The following DNAJC12 variants were observed in gnomAD, a reference collection of about 807,000 sequenced individuals.
The protein encoded by DNAJC12 is DnaJ heat shock protein family (Hsp40) member C12, also known as dnaJ homolog subfamily C member 12.
A neutral mutation model predicts 28.5 loss-of-function variants in DNAJC12; 25 were observed. That is an observed-to-expected ratio of 0.88 (90% CI 0.64 to 1.22). The LOEUF is 1.22. Among genes scored for constraint, DNAJC12 ranks in the 50% most tolerant of loss-of-function variants. The pLI is 0.00. For synonymous variants in DNAJC12, 77 were observed against 80.6 expected (o/e 0.95, Z 0.24); for missense variants, 222 against 231.7 (o/e 0.96, Z 0.27).
intron 1 of DNAJC12, among the ~76,000 whole-genome samples, chr10:67,836,853 T>C (rs1450468247): frequency 6.6e-6 from 1 of 151,602 alleles, no homozygotes; most frequent in Non-Finnish European, 1.5e-5. Context: ...TAAAAACATT[T>C]TGCTTTACAA....
At chr10:67,797,344 A>C (rs1312579144) in intron 4 of DNAJC12, 134 bp from the exon 5 acceptor site, 2 of 637,514 alleles carry the variant, frequency 3.1e-6, no homozygotes, top group African/African-American at 3.7e-5. Flanking sequence ...TGAATTATTA[A>C]CATCTTAGAG....
At chr10:67,797,849 G>A (rs546927234) in intron 4 of DNAJC12, among the ~76,000 whole-genome samples, 13 of 151,960 alleles carry the variant, frequency 8.6e-5, no homozygotes, top group South Asian at 2.1e-4. Context: ...GACCATCCTG[G>A]CTAACACGGT....
At chr10:67,824,615 C>A (rs1049886041) in intron 1 of DNAJC12, among the ~76,000 whole-genome samples, 1 of 152,102 alleles carries the variant, frequency 6.6e-6, no homozygotes, top group African/African-American at 2.4e-5. Context: ...TTCCTATTAT[C>A]ATGAATTATT....
chr10:67,826,646 C>A (rs1842033852), intron 1 of DNAJC12, among the ~76,000 whole-genome samples: 1 of 123,872 alleles, frequency 8.1e-6, no homozygotes, highest in Non-Finnish European at 1.6e-5. Flanking sequence ...TATAAGATAT[C>A]TAATGATATA....
At chr10:67,797,429 T>G (rs1005686327) in intron 4 of DNAJC12, among the ~76,000 whole-genome samples, 1 of 152,192 alleles carries the variant, frequency 6.6e-6, no homozygotes, top group Non-Finnish European at 1.5e-5. Context: ...AGACCTCACA[T>G]GCTTAAATAC....
intron 1 of DNAJC12, among the ~76,000 whole-genome samples, chr10:67,830,532 C>T (rs1416852812): frequency 1.4e-5 from 2 of 138,842 alleles, no homozygotes; most frequent in Admixed American, 7.3e-5. Context: ...GGCGTGAACC[C>T]GGGAGGCGGA....
At chr10:67,827,274 T>TAA (rs1842046091) in intron 1 of DNAJC12, among the ~76,000 whole-genome samples, 1 of 151,644 alleles carries the variant, frequency 6.6e-6, no homozygotes, top group South Asian at 2.1e-4. Flanking sequence ...GTAATCCCAG[T>TAA]TACTCAGGAG....
chr10:67,834,254 T>C (rs1842121864), intron 1 of DNAJC12, among the ~76,000 whole-genome samples: 1 of 152,166 alleles, frequency 6.6e-6, no homozygotes, highest in African/African-American at 2.4e-5. Flanking sequence ...TAAGGGTATA[T>C]AGGAACTCTG....
chr10:67,822,457 G>A lies in DNAJC12; in HGVS notation c.157+857C>T, dbSNP rs983697931. Reference sequence around the variant, plus strand: ...AGTGGAACAAATGGAAAAATAGCGAGAAGGGAAATAGAGACATCAACTGTG... The same window carrying A: ...AGTGGAACAAATGGAAAAATAGCGAAAAGGGAAATAGAGACATCAACTGTG... On this transcript the variant is annotated intron_variant, in intron 2 of 4. Coordinates refer to ENST00000225171, the MANE Select transcript of DNAJC12 (RefSeq NM_021800.3). Among the ~76,000 whole-genome samples, 21 of 152,150 alleles carry A rather than the reference G, an allele frequency of 1.4e-4. 1 individual carries two copies. The highest frequency in any genetic ancestry group is 6.6e-5 in the Admixed American group (1 of 15,260).
intron 2 of DNAJC12, among the ~76,000 whole-genome samples, chr10:67,818,758 C>G (rs1841940656): frequency 6.6e-6 from 1 of 151,728 alleles, no homozygotes; most frequent in African/African-American, 2.4e-5. Context: ...CGGGTTCATG[C>G]GATTCTCCTG....
intron 4 of DNAJC12, among the ~76,000 whole-genome samples, chr10:67,800,993 C>G (rs947001884): frequency 1.4e-4 from 21 of 151,916 alleles, no homozygotes; most frequent in Non-Finnish European, 2.9e-4. Context: ...TTACACAAAA[C>G]TATTTTATTT....
intron 1 of DNAJC12, among the ~76,000 whole-genome samples, chr10:67,833,107 A>C (rs1282226534): frequency 6.6e-6 from 1 of 152,188 alleles, no homozygotes; most frequent in Non-Finnish European, 1.5e-5. Context: ...TTAAGGGTTA[A>C]GCGTAATAAG....
chr10:67,819,255 C>T (rs889015367), intron 2 of DNAJC12, among the ~76,000 whole-genome samples: 1 of 151,888 alleles, frequency 6.6e-6, no homozygotes, highest in African/African-American at 2.4e-5. Flanking sequence ...ATGGCGTAAA[C>T]CCGGGAGGCG....
At chr10:67,835,674 G>A (rs1842135264) in intron 1 of DNAJC12, among the ~76,000 whole-genome samples, 1 of 151,336 alleles carries the variant, frequency 6.6e-6, no homozygotes, top group Admixed American at 6.6e-5. Context: ...CGGCAACAGA[G>A]TGAGACTCCA....
At chr10:67,808,039 C>T (rs773543119) in intron 3 of DNAJC12, among the ~76,000 whole-genome samples, 2 of 152,160 alleles carry the variant, frequency 1.3e-5, no homozygotes, top group Non-Finnish European at 2.9e-5. Flanking sequence ...TGCTAAGCAG[C>T]CTGGTTTGCT....
intron 2 of DNAJC12, 71 bp downstream of exon 2, chr10:67,823,243 T>C: frequency 1.6e-6 from 2 of 1,249,196 alleles, no homozygotes; most frequent in South Asian, 2.5e-5. Context: ...GAAAATTAAG[T>C]TACTATTCAC....
At chr10:67,820,809 G>C (rs1431307894) in intron 2 of DNAJC12, among the ~76,000 whole-genome samples, 1 of 99,794 alleles carries the variant, frequency 1.0e-5, no homozygotes, top group Non-Finnish European at 1.9e-5. Flanking sequence ...TTGAGATGGA[G>C]TTTCACTCTT....
In DNAJC12 at chr10:67,811,629, C is replaced by G; in HGVS notation, c.192G>C (p.Glu64Asp). ...CTCGACTCTCTTCATTGGTCAGAATCTCCTTTGCCTTCTGCAGTTTCTGAA... is the reference window on the plus strand; with the variant it reads ...CTCGACTCTCTTCATTGGTCAGAATGTCCTTTGCCTTCTGCAGTTTCTGAA... ...ETFQKLQKAK[E>D]ILTNEESRAR... is the part of the protein sequence containing the mutation. The change falls in exon 3 of 5, where the codon GAG becomes GAC. Residue 64 changes from glutamate to aspartate, a missense_variant. Transcript: ENST00000225171. 3 of 1,613,962 alleles carry G rather than the reference C, an allele frequency of 1.9e-6. No homozygotes were observed. Among genetic ancestry groups the G allele is most frequent in the East Asian group, 2.2e-5 (1 of 44,882 alleles).
At chr10:67,802,961 G>A (rs935404432) in intron 4 of DNAJC12, among the ~76,000 whole-genome samples, 2 of 150,114 alleles carry the variant, frequency 1.3e-5, no homozygotes, top group African/African-American at 2.5e-5. Context: ...ACACACACCC[G>A]GGCTCAAGTA....
Sources: gnomAD v4.1 joint callset for allele counts (sites outside exome capture counted in the v4.1 genomes callset) on GRCh38, gnomAD v4.1.1 for gene constraint, MANE v1.5 for transcripts, NCBI Gene and HGNC (gene_info 2026-07-23, HGNC 2026-07-21) for gene names.